Variants in GRM7 observed in about 807,000 individuals in gnomAD.
The protein encoded by GRM7 is glutamate metabotropic receptor 7.
A neutral mutation model predicts 84.5 loss-of-function variants in GRM7; 35 were observed. The ratio of observed to expected loss-of-function variants is 0.41; its 90% CI spans 0.32 to 0.55. The LOEUF (loss-of-function observed/expected upper bound fraction) is 0.55, where lower values mean the gene tolerates loss of function less well. GRM7 is among the 20% of genes least tolerant of loss of function. GRM7 has a pLI of 0.19. For missense variants in GRM7, 1,003 were observed against 1,194.6 expected, an observed-to-expected ratio of 0.84 and a Z score of 2.36; for synonymous variants, 487 against 455.1, an observed-to-expected ratio of 1.07 and a Z score of -0.89.
chr3:7,541,679 G>C (rs56119102), intron 7 of GRM7, among the ~76,000 whole-genome samples: 12 of 152,028 alleles, frequency 7.9e-5, no homozygotes, highest in Non-Finnish European at 1.0e-4. Flanking sequence ...TCCAATCGAC[G>C]ATCTCAGCTA....
intron 8 of GRM7, among the ~76,000 whole-genome samples, chr3:7,666,959 C>T (rs73023718): frequency 0.34 from 51,617 of 151,816 alleles, 10,317 homozygotes; most frequent in Non-Finnish European, 0.45. Flanking sequence ...TGTTGCACAG[C>T]GAATGCCCTA....
intron 3 of GRM7, 42 bp downstream of exon 3, chr3:7,298,867 T>C: frequency 1.3e-6 from 2 of 1,541,834 alleles, no homozygotes; most frequent in Non-Finnish European, 1.8e-6. Flanking sequence ...CATGTTGCAA[T>C]TTTAGGAGAG....
chr3:7,550,282 C>T (rs900595656), intron 7 of GRM7, among the ~76,000 whole-genome samples: 27 of 147,636 alleles, frequency 1.8e-4, no homozygotes, highest in Non-Finnish European at 3.4e-4. Context: ...CCCTCCTCCC[C>T]CTCCTCTTCT....
chr3:7,612,644 C>T (rs905991772), intron 8 of GRM7, among the ~76,000 whole-genome samples: 3 of 152,084 alleles, frequency 2.0e-5, no homozygotes, highest in Admixed American at 1.3e-4. Flanking sequence ...CAGACTTCTC[C>T]GCGTGGCATC....
At chr3:7,391,939 TACC>T (rs1171664397) in intron 4 of GRM7, among the ~76,000 whole-genome samples, 2 of 152,120 alleles carry the variant, frequency 1.3e-5, no homozygotes, top group East Asian at 3.9e-4. Flanking sequence ...GAAGAGGCAC[TACC>T]AAGTCTGTGA....
chr3:7,659,574 A>G (rs1559470411), intron 8 of GRM7, among the ~76,000 whole-genome samples: 1 of 152,134 alleles, frequency 6.6e-6, no homozygotes, highest in Admixed American at 6.5e-5. Context: ...AAAAGTAATC[A>G]CCCATTGGAA....
chr3:7,379,283 C>T (rs1383251001), intron 4 of GRM7, among the ~76,000 whole-genome samples: 2 of 152,050 alleles, frequency 1.3e-5, no homozygotes, highest in East Asian at 1.9e-4. Context: ...CCATGTTGCC[C>T]AGGTTGCCCA....
At chr3:7,528,140 C>G (rs945927197) in intron 7 of GRM7, among the ~76,000 whole-genome samples, 1 of 151,968 alleles carries the variant, frequency 6.6e-6, no homozygotes, top group Non-Finnish European at 1.5e-5. Flanking sequence ...AGCTGTTAAT[C>G]CACGTAGTCC....
At chr3:7,030,627 C>T (rs1486791057) in intron 1 of GRM7, among the ~76,000 whole-genome samples, 2 of 152,112 alleles carry the variant, frequency 1.3e-5, no homozygotes, top group Non-Finnish European at 2.9e-5. Flanking sequence ...GGCTCATATT[C>T]ACAGTCATTT....
intron 8 of GRM7, among the ~76,000 whole-genome samples, chr3:7,643,656 C>T (rs1447893597): frequency 1.3e-5 from 2 of 152,066 alleles, no homozygotes; most frequent in Non-Finnish European, 2.9e-5. Context: ...ACAACACCTA[C>T]AATACAGGAT....
At chr3:7,563,362 T>C (rs1055734787) in intron 7 of GRM7, among the ~76,000 whole-genome samples, 1 of 152,174 alleles carries the variant, frequency 6.6e-6, no homozygotes, top group African/African-American at 2.4e-5. Flanking sequence ...AAAAGTTCTT[T>C]CTTAGGATAG....
intron 1 of GRM7, among the ~76,000 whole-genome samples, chr3:7,089,230 A>G (rs1259837296): frequency 3.3e-5 from 5 of 152,224 alleles, no homozygotes; most frequent in African/African-American, 1.2e-4. Flanking sequence ...AGAAGAGAAA[A>G]TAGGATAAAG....
chr3:7,430,362 G>A (rs907564363), intron 5 of GRM7, among the ~76,000 whole-genome samples: 1 of 152,178 alleles, frequency 6.6e-6, no homozygotes, highest in Non-Finnish European at 1.5e-5. Flanking sequence ...CAATGGGCCA[G>A]TAGGCATACA....
intron 2 of GRM7, among the ~76,000 whole-genome samples, chr3:7,237,968 T>C (rs1697408440): frequency 6.6e-6 from 1 of 152,188 alleles, no homozygotes; most frequent in Non-Finnish European, 1.5e-5. Flanking sequence ...AGAGTGCTGA[T>C]TGGTGTGTTT....
chr3:7,371,691 TCTC>T (rs1195090394), intron 4 of GRM7, among the ~76,000 whole-genome samples: 1 of 152,152 alleles, frequency 6.6e-6, no homozygotes, highest in Non-Finnish European at 1.5e-5. Context: ...ACACCCCCTT[TCTC>T]CTCCTCTATG....
intron 2 of GRM7, among the ~76,000 whole-genome samples, chr3:7,171,993 A>T (rs1370879311): frequency 2.6e-5 from 4 of 152,210 alleles, no homozygotes; most frequent in Admixed American, 2.0e-4. Flanking sequence ...TTTAGAACAT[A>T]ATCTCGCTAG....
At chr3:7,312,923 T>G (rs1449405847) in intron 4 of GRM7, among the ~76,000 whole-genome samples, 1 of 126,050 alleles carries the variant, frequency 7.9e-6, no homozygotes, top group Non-Finnish European at 1.6e-5. Context: ...CTCCTCCTTT[T>G]TTTTCTTTTT....
chr3:6,900,611 C>G (rs1298080205), intron 1 of GRM7, among the ~76,000 whole-genome samples: 2 of 151,886 alleles, frequency 1.3e-5, no homozygotes, highest in African/African-American at 4.8e-5. Flanking sequence ...ATTTGAAATG[C>G]GATGATATAC....
At position 7,486,645 on chromosome 3, in the gene GRM7, C is replaced by T. The variant is rs140945268; in HGVS notation, c.1515+24923C>T. Among the ~76,000 whole-genome samples, 923 of 152,302 alleles carry T rather than the reference C, an allele frequency of 6.1e-3. 6 individuals are homozygous for T. The highest frequency in any genetic ancestry group is 0.051 in the Middle Eastern group (15 of 294). Reference sequence around the variant, plus strand: ...CCATGTTGACACAGCACAAGACCCTCCCCAGAAGCAGAGCAGATGTTGGCA... The same window carrying T: ...CCATGTTGACACAGCACAAGACCCTTCCCAGAAGCAGAGCAGATGTTGGCA... On this transcript the variant is annotated intron_variant, in intron 7 of 9. Coordinates refer to ENST00000357716, the MANE Select transcript of GRM7 (RefSeq NM_000844.4). This position sits in a 1 kb window ranked among gnomAD's most constrained non-coding sequence, Gnocchi z 5.5.
Sources: gnomAD v4.1 joint callset for allele counts (sites outside exome capture counted in the v4.1 genomes callset) on GRCh38, gnomAD v4.1.1 for gene constraint, Gnocchi (gnomAD v3.1) non-coding constraint, MANE v1.5 for transcripts, NCBI Gene and HGNC (gene_info 2026-07-23, HGNC 2026-07-21) for gene names.